FHIT: variants seen among roughly 807,000 people sequenced by gnomAD.
The protein encoded by FHIT is bis(5'-adenosyl)-triphosphatase.
FHIT carries 19 observed loss-of-function variants against 17.9 expected under a neutral mutation model. That is an observed-to-expected ratio of 1.06 (90% CI 0.74 to 1.56). FHIT has a LOEUF of 1.56. Ranked by LOEUF, FHIT falls within the 40% of genes most tolerant of loss-of-function variation. The probability of loss-of-function intolerance (pLI) is 0.00; values close to 1 mark genes in which losing one functional copy is unlikely to be tolerated. For synonymous variants in FHIT, 81 were observed against 69.7 expected, an observed-to-expected ratio of 1.16 and a Z score of -0.81; for missense variants, 248 against 189.2, an observed-to-expected ratio of 1.31 and a Z score of -1.82.
intron 5 of FHIT, among the ~76,000 whole-genome samples, chr3:60,177,314 T>C (rs938035081): frequency 6.7e-6 from 1 of 148,748 alleles, no homozygotes; most frequent in African/African-American, 2.5e-5. Flanking sequence ...TAGAATTTGA[T>C]AGTCAGTTAC....
intron 7 of FHIT, among the ~76,000 whole-genome samples, chr3:59,966,762 T>C (rs776783879): frequency 6.6e-6 from 1 of 152,058 alleles, no homozygotes; most frequent in Non-Finnish European, 1.5e-5. Context: ...AGTCAGTGAG[T>C]AAGGGGTGAC....
chr3:61,112,995 T>G (rs1409769062), intron 2 of FHIT, among the ~76,000 whole-genome samples: 1 of 151,880 alleles, frequency 6.6e-6, no homozygotes, highest in African/African-American at 2.4e-5. Context: ...GAACACTGTG[T>G]GTGTTTATTT....
intron 2 of FHIT, among the ~76,000 whole-genome samples, chr3:61,114,070 C>T (rs1429299900): frequency 1.3e-5 from 2 of 152,156 alleles, no homozygotes; most frequent in Non-Finnish European, 2.9e-5. Context: ...CACTACTGGG[C>T]ACAAAAGCAT....
intron 9 of FHIT, chr3:59,751,580 T>C (rs988537617): frequency 9.8e-6 from 2 of 204,414 alleles, no homozygotes; most frequent in African/African-American, 2.3e-5. Flanking sequence ...AAATTGGCTA[T>C]AGCTATCTTT....
At chr3:60,556,591 C>T (rs977927652) in intron 4 of FHIT, among the ~76,000 whole-genome samples, 7 of 152,346 alleles carry the variant, frequency 4.6e-5, no homozygotes, top group African/African-American at 9.6e-5. Context: ...AGAAGTCAAG[C>T]AACTTGATCA....
chr3:60,838,107 T>C (rs1281152784), intron 3 of FHIT, among the ~76,000 whole-genome samples: 3 of 152,224 alleles, frequency 2.0e-5, no homozygotes, highest in Non-Finnish European at 2.9e-5. Flanking sequence ...ATAACTCTTT[T>C]CTTTTCTTTC....
intron 2 of FHIT, among the ~76,000 whole-genome samples, chr3:61,071,590 A>T (rs938736421): frequency 5.9e-5 from 9 of 152,220 alleles, no homozygotes; most frequent in African/African-American, 1.9e-4. Context: ...AAATTAGTTT[A>T]TAGGAAAATG....
intron 4 of FHIT, among the ~76,000 whole-genome samples, chr3:60,803,319 A>G (rs916250433): frequency 6.6e-6 from 1 of 152,184 alleles, no homozygotes; most frequent in African/African-American, 2.4e-5. Context: ...ACGGACAGTC[A>G]CTGTGCATTA....
intron 5 of FHIT, among the ~76,000 whole-genome samples, chr3:60,206,537 T>A (rs888531626): frequency 6.6e-6 from 1 of 152,104 alleles, no homozygotes; most frequent in African/African-American, 2.4e-5. Flanking sequence ...ACTATAAGAA[T>A]TAAACCTAAT....
Position 60,574,503 on chromosome 3 carries a change from C to T in FHIT, c.-17-37524G>A, listed in dbSNP as rs149039446. On this transcript the variant is annotated intron_variant, in intron 4 of 9. Transcript: ENST00000492590. ...TTGAGGCAGGCACTACGAGCTTAGACGAGCCTTCAGCCCCAACTGAAAGGG... is the reference window on the plus strand; with the variant it reads ...TTGAGGCAGGCACTACGAGCTTAGATGAGCCTTCAGCCCCAACTGAAAGGG... Among the ~76,000 whole-genome samples, 22 of 152,086 alleles carry T rather than the reference C, an allele frequency of 1.4e-4. No homozygotes were observed. The South Asian group carries it at 4.2e-3, about 29-fold the overall frequency.
At chr3:60,224,754 C>A (rs901626033) in intron 5 of FHIT, among the ~76,000 whole-genome samples, 1 of 142,466 alleles carries the variant, frequency 7.0e-6, no homozygotes, top group Admixed American at 6.9e-5. Context: ...TTGACAGGGT[C>A]TTGCTCTGTC....
At chr3:59,985,421 A>G (rs1482040384) in intron 7 of FHIT, among the ~76,000 whole-genome samples, 1 of 152,188 alleles carries the variant, frequency 6.6e-6, no homozygotes, top group Non-Finnish European at 1.5e-5. Flanking sequence ...ACACTTGTAT[A>G]GAAAGTAACA....
intron 4 of FHIT, among the ~76,000 whole-genome samples, chr3:60,572,787 G>T (rs782308875): frequency 6.6e-6 from 1 of 152,138 alleles, no homozygotes; most frequent in Non-Finnish European, 1.5e-5. Flanking sequence ...CTAGCACAGG[G>T]GTTAATGTTG....
At chr3:60,217,436 C>A (rs1209990566) in intron 5 of FHIT, among the ~76,000 whole-genome samples, 1 of 152,206 alleles carries the variant, frequency 6.6e-6, no homozygotes, top group Admixed American at 6.5e-5. Flanking sequence ...TTCTGCTACA[C>A]TGGTTTCTTA....
rs545132133 is a variant in FHIT, at chr3:60,120,741, C to T, written c.104-106589G>A. 1.2e-3 allele frequency among the ~76,000 whole-genome samples: 182 copies of T among 152,272 alleles called. 1 individual carries two copies. The highest frequency in any genetic ancestry group is 4.1e-3 in the African/African-American group (170 of 41,560). ...TAGCAAGTTTCAAGACAGGTACTCA[C>T]TCATTCTCTCTTCTGCAGGATCCTA... On this transcript the variant is annotated intron_variant, in intron 5 of 9. Transcript: ENST00000492590.
At chr3:60,384,541 CCT>C (rs1405099173) in intron 5 of FHIT, among the ~76,000 whole-genome samples, 3 of 152,216 alleles carry the variant, frequency 2.0e-5, no homozygotes, top group African/African-American at 7.2e-5. Context: ...GTAGTTAACC[CCT>C]GATAGTTTAT....
intron 5 of FHIT, among the ~76,000 whole-genome samples, chr3:60,123,142 G>A (rs1705334850): frequency 6.6e-6 from 1 of 152,134 alleles, no homozygotes; most frequent in East Asian, 1.9e-4. Flanking sequence ...AAGCCAGTGA[G>A]AGAAAATATA....
intron 5 of FHIT, among the ~76,000 whole-genome samples, chr3:60,288,213 G>A (rs1231975677): frequency 2.0e-5 from 3 of 152,144 alleles, no homozygotes; most frequent in Admixed American, 6.6e-5. Flanking sequence ...ACAAAATGGT[G>A]ACTAGCTTTT....
At chr3:60,941,664 A>C (rs1553774562) in intron 3 of FHIT, among the ~76,000 whole-genome samples, 1 of 152,220 alleles carries the variant, frequency 6.6e-6, no homozygotes, top group Non-Finnish European at 1.5e-5. Context: ...ATATGAATTT[A>C]ATGCGTTTAG....
Sources: gnomAD v4.1 joint callset for allele counts (sites outside exome capture counted in the v4.1 genomes callset) on GRCh38, gnomAD v4.1.1 for gene constraint, MANE v1.5 for transcripts, NCBI Gene and HGNC (gene_info 2026-07-23, HGNC 2026-07-21) for gene names.